The following SYNE1 variants were observed in gnomAD, a reference collection of about 807,000 sequenced individuals.
SYNE1 encodes nesprin-1.
SYNE1 carries 616 observed loss-of-function variants against 1,111.0 expected under a neutral mutation model. The ratio of observed to expected loss-of-function variants is 0.55; its 90% CI spans 0.52 to 0.59. SYNE1 has a LOEUF of 0.59. SYNE1 is among the 20% of genes least tolerant of loss of function. SYNE1 has a pLI of 0.00. For synonymous variants in SYNE1, 3,855 were observed against 3,825.8 expected (o/e 1.01, Z -0.28); for missense variants, 10,006 against 10,417.0 (o/e 0.96, Z 1.72).
chr6:152,326,735 G>T, intron 78 of SYNE1, 102 bp from the exon 79 acceptor site: 1 of 1,099,888 alleles, frequency 9.1e-7, no homozygotes, highest in Non-Finnish European at 1.3e-6. Context: ...AGTCTCATGG[G>T]CGTATGTGTG....
At chr6:152,332,051 G>A (rs949723306) in intron 77 of SYNE1, among the ~76,000 whole-genome samples, 161 bp from the exon 78 acceptor site, 4 of 152,046 alleles carry the variant, frequency 2.6e-5, no homozygotes, top group African/African-American at 9.7e-5. Context: ...CTCAGCTCAC[G>A]GCAACCTCCG....
intron 127 of SYNE1, among the ~76,000 whole-genome samples, chr6:152,201,118 T>G (rs1454075253): frequency 6.6e-6 from 1 of 152,212 alleles, no homozygotes; most frequent in Non-Finnish European, 1.5e-5. Flanking sequence ...AAAACATTTT[T>G]AAAGGTACGT....
chr6:152,172,141 GATT>G (rs2065366797), intron 130 of SYNE1, among the ~76,000 whole-genome samples: 1 of 152,276 alleles, frequency 6.6e-6, no homozygotes, highest in East Asian at 1.9e-4. Context: ...ACAGAAAGTA[GATT>G]AGTAGTTTCC....
intron 138 of SYNE1, among the ~76,000 whole-genome samples, chr6:152,142,215 C>T (rs558571885): frequency 1.2e-4 from 18 of 152,298 alleles, no homozygotes; most frequent in East Asian, 5.8e-4. Flanking sequence ...AGTTTCTTTA[C>T]GATTCATGAC....
At chr6:152,514,195 A>T (rs923803583) in intron 6 of SYNE1, among the ~76,000 whole-genome samples, 3 of 152,216 alleles carry the variant, frequency 2.0e-5, no homozygotes, top group African/African-American at 4.8e-5. Flanking sequence ...TTACTGCAGC[A>T]CTATTCACAA....
At chr6:152,585,417 CA>C (rs1180230853) in intron 3 of SYNE1, among the ~76,000 whole-genome samples, 1 of 152,288 alleles carries the variant, frequency 6.6e-6, no homozygotes, top group African/African-American at 2.4e-5. Context: ...ATCATAGAAA[CA>C]AAATTACTGA....
At chr6:152,173,461 C>T (rs1379184551) in intron 130 of SYNE1, among the ~76,000 whole-genome samples, 4 of 152,304 alleles carry the variant, frequency 2.6e-5, no homozygotes, top group South Asian at 2.1e-4. Context: ...AGTGCATCAG[C>T]GCTGGAAGAG....
intron 14 of SYNE1, chr6:152,478,761 T>C (rs1479358395): frequency 6.6e-6 from 1 of 152,224 alleles, no homozygotes; most frequent in Non-Finnish European, 1.5e-5. Context: ...AAATGCCTTC[T>C]GATTGCCAGG....
At chr6:152,476,415 C>T (rs944033056) in intron 14 of SYNE1, among the ~76,000 whole-genome samples, 23 of 152,108 alleles carry the variant, frequency 1.5e-4, no homozygotes, top group Admixed American at 5.9e-4. Flanking sequence ...GCCCTCACAA[C>T]ATATTCAGAA....
chr6:152,391,135 C>CT (rs2097614943), intron 52 of SYNE1, 142 bp downstream of exon 52: 3 of 1,199,038 alleles, frequency 2.5e-6, no homozygotes, highest in Non-Finnish European at 2.4e-6. Flanking sequence ...CCTCTGTATC[C>CT]TTTTTTGCCC....
intron 24 of SYNE1, among the ~76,000 whole-genome samples, chr6:152,454,696 G>A (rs1323753784): frequency 6.6e-6 from 1 of 152,180 alleles, no homozygotes; most frequent in Non-Finnish European, 1.5e-5. Context: ...AAAACAAGAA[G>A]TACCATACTG....
intron 101 of SYNE1, among the ~76,000 whole-genome samples, chr6:152,258,088 G>A (rs746974157): frequency 4.6e-5 from 7 of 152,122 alleles, no homozygotes; most frequent in African/African-American, 1.7e-4. Flanking sequence ...TTTCTAAAGC[G>A]TCATTCAATG....
At chr6:152,343,365 G>C (rs1466574419) in intron 74 of SYNE1, among the ~76,000 whole-genome samples, 1 of 151,408 alleles carries the variant, frequency 6.6e-6, no homozygotes, top group Non-Finnish European at 1.5e-5. Context: ...CACCATGTTG[G>C]CCAGGATGGT....
At chr6:152,433,394 T>G (rs1486910865) in intron 34 of SYNE1, 2 of 225,030 alleles carry the variant, frequency 8.9e-6, no homozygotes, top group African/African-American at 2.3e-5. Flanking sequence ...TTGGTGTGGG[T>G]AAGTACCACT....
At chr6:152,341,177 C>A (rs149254754) in intron 74 of SYNE1, among the ~76,000 whole-genome samples, 1 of 152,124 alleles carries the variant, frequency 6.6e-6, no homozygotes, top group African/African-American at 2.4e-5. Context: ...AATGTACAAG[C>A]GAACTATGGT....
intron 51 of SYNE1, 21 bp from the exon 52 acceptor site, chr6:152,391,589 A>AAAAAAAAG: frequency 6.4e-7 from 1 of 1,558,122 alleles, no homozygotes; most frequent in Non-Finnish European, 8.6e-7. Flanking sequence ...GGAAAAAAAA[A>AAAAAAAAG]AAAAAGAAAA....
intron 55 of SYNE1, among the ~76,000 whole-genome samples, chr6:152,382,149 G>C (rs1047731942): frequency 2.0e-5 from 3 of 152,122 alleles, no homozygotes; most frequent in Non-Finnish European, 4.4e-5. Flanking sequence ...TCTGAGAATA[G>C]ATTCTCTTAC....
chr6:152,146,211 G>C (rs190046335), intron 137 of SYNE1: 1 of 155,008 alleles, frequency 6.5e-6, no homozygotes, highest in African/African-American at 2.4e-5. Context: ...AGTTTAAACA[G>C]AAAGTACATG....
intron 127 of SYNE1, among the ~76,000 whole-genome samples, chr6:152,194,377 T>C (rs1281672587): frequency 6.6e-6 from 1 of 152,226 alleles, no homozygotes; most frequent in Non-Finnish European, 1.5e-5. Context: ...CTGCCAGATG[T>C]ACTGAAGCTC....
Sources: gnomAD v4.1 joint callset for allele counts (sites outside exome capture counted in the v4.1 genomes callset) on GRCh38, gnomAD v4.1.1 for gene constraint, MANE v1.5 for transcripts, NCBI Gene and HGNC (gene_info 2026-07-23, HGNC 2026-07-21) for gene names.